Variants in ASAP1 observed in about 807,000 individuals in gnomAD.
ASAP1 encodes the protein arf-GAP with SH3 domain, ANK repeat and PH domain-containing protein 1.
Under a neutral mutation model 145.2 loss-of-function variants are expected in ASAP1, and 43 were observed. The ratio of observed to expected loss-of-function variants is 0.30; its 90% confidence interval spans 0.23 to 0.38. The LOEUF is 0.38. ASAP1 is among the 10% of genes least tolerant of loss of function. The pLI, the probability that ASAP1 is intolerant of heterozygous loss-of-function variation, is 1.00. For missense variants in ASAP1, 1,018 were observed against 1,355.3 expected (o/e 0.75, Z 3.91); for synonymous variants, 546 against 515.5 (o/e 1.06, Z -0.80).
chr8:130,096,434 A>G (rs149132327), intron 24 of ASAP1, among the ~76,000 whole-genome samples: 50 of 152,340 alleles, frequency 3.3e-4, no homozygotes, highest in Middle Eastern at 3.4e-3. Flanking sequence ...AGAGGTGACT[A>G]AGAGGCAATT....
chr8:130,173,531 C>T (rs1380990136), intron 9 of ASAP1, among the ~76,000 whole-genome samples: 1 of 152,072 alleles, frequency 6.6e-6, no homozygotes, highest in African/African-American at 2.4e-5. Context: ...TTTGGGGGGC[C>T]AAGGCAGGAC....
intron 15 of ASAP1, among the ~76,000 whole-genome samples, chr8:130,131,525 G>A (rs1011431510): frequency 6.7e-6 from 1 of 150,032 alleles, no homozygotes; most frequent in Non-Finnish European, 1.5e-5. Flanking sequence ...GCACTTTCTG[G>A]GGTCGAGGTG....
In ASAP1 at chr8:130,241,321, T is replaced by C. The variant is rs529394366; in HGVS notation, c.187-4327A>G. Among the ~76,000 whole-genome samples the C allele has an allele frequency of 6.6e-5, 10 of 152,218 alleles. No homozygotes were observed. In the East Asian group the frequency reaches 1.9e-3, roughly 29 times the overall value. ...GCACGTCATGCCAGTTTTTCCATAG[T>C]GTTACCACATCCTGAAATGATCCTG... On this transcript the variant is annotated intron_variant, in intron 3 of 29. Coordinates refer to ENST00000518721, the MANE Select transcript of ASAP1 (RefSeq NM_018482.4).
intron 7 of ASAP1, among the ~76,000 whole-genome samples, chr8:130,183,612 G>A (rs1045661960): frequency 4.6e-5 from 7 of 152,042 alleles, no homozygotes; most frequent in African/African-American, 1.7e-4. Flanking sequence ...AAAGTGCTGG[G>A]ACCACAGGCA....
chr8:130,342,198 A>C (rs1825429503), intron 3 of ASAP1, among the ~76,000 whole-genome samples: 1 of 152,174 alleles, frequency 6.6e-6, no homozygotes, highest in South Asian at 2.1e-4. Flanking sequence ...AGGATGAAGA[A>C]GGCAAATTGG....
chr8:130,437,611 G>T (rs984413990), intron 1 of ASAP1, among the ~76,000 whole-genome samples: 1 of 150,192 alleles, frequency 6.7e-6, no homozygotes, highest in Non-Finnish European at 1.5e-5. Context: ...AAATTATTTA[G>T]ATAGATAGAC....
intron 16 of ASAP1, 147 bp downstream of exon 16, chr8:130,127,780 A>T: frequency 4.3e-6 from 4 of 924,880 alleles, no homozygotes; most frequent in Non-Finnish European, 6.2e-6. Flanking sequence ...GCTCAGCGGT[A>T]GGAAAAATCA....
At chr8:130,437,798 C>A (rs1204990631) in intron 1 of ASAP1, among the ~76,000 whole-genome samples, 1 of 152,154 alleles carries the variant, frequency 6.6e-6, no homozygotes, top group Non-Finnish European at 1.5e-5. Context: ...ACGGCTGATC[C>A]TCCCCAGCTG....
chr8:130,188,404 C>G (rs778194264), intron 5 of ASAP1, among the ~76,000 whole-genome samples: 1 of 152,038 alleles, frequency 6.6e-6, no homozygotes, highest in Non-Finnish European at 1.5e-5. Context: ...TTGTGCAGAA[C>G]CATAAAGCAT....
Position 130,152,754 on chromosome 8 carries a change from C to T in ASAP1, c.1062G>A (p.Leu354=), listed in dbSNP as rs74370122. The change falls in exon 13 of 30, where the codon CTG becomes CTA. Residue 354 remains leucine, a synonymous_variant. Coordinates refer to ENST00000518721, the MANE Select transcript of ASAP1 (RefSeq NM_018482.4). ...RRKCSVKNGI[L]TISHATSNRQ... is the part of the protein sequence containing the mutation. The stretch of plus-strand genomic sequence containing the variant: ...TACTTACTGTGGCATGTGAGATGGT[C>T]AGAATCCCATTCTTGACTGAACACT... 60,102 of 1,610,888 alleles carry T rather than the reference C, an allele frequency of 0.037. 1,356 individuals are homozygous for T. The highest frequency in any genetic ancestry group is 0.064 in the South Asian group (5,805 of 90,666).
At chr8:130,059,640 A>G (rs1048239220) in intron 28 of ASAP1, among the ~76,000 whole-genome samples, 7 of 152,252 alleles carry the variant, frequency 4.6e-5, no homozygotes, top group Admixed American at 4.6e-4. Flanking sequence ...GCCATGTGCA[A>G]TGGGAGAACT....
chr8:130,121,747 G>A (rs2135688084), intron 18 of ASAP1, among the ~76,000 whole-genome samples: 1 of 117,908 alleles, frequency 8.5e-6, no homozygotes, highest in South Asian at 2.9e-4. Context: ...TCGCATCACT[G>A]CACTCCAGCC....
intron 5 of ASAP1, among the ~76,000 whole-genome samples, chr8:130,191,617 T>G (rs1322035724): frequency 6.6e-6 from 1 of 151,760 alleles, no homozygotes; most frequent in African/African-American, 2.4e-5. Context: ...AGGGAGAGAG[T>G]GGTGTGAGAA....
intron 1 of ASAP1, among the ~76,000 whole-genome samples, chr8:130,439,363 A>G (rs1261791469): frequency 6.6e-6 from 1 of 152,192 alleles, no homozygotes; most frequent in African/African-American, 2.4e-5. Flanking sequence ...AACTTGTATG[A>G]TGTAAACCAC....
intron 13 of ASAP1, among the ~76,000 whole-genome samples, chr8:130,143,475 C>T (rs2097618121): frequency 1.3e-5 from 2 of 150,298 alleles, no homozygotes; most frequent in Admixed American, 1.3e-4. Flanking sequence ...CTGTTTTTCC[C>T]AATTAACAAT....
At chr8:130,326,858 A>G (rs542696371) in intron 3 of ASAP1, among the ~76,000 whole-genome samples, 10 of 152,296 alleles carry the variant, frequency 6.6e-5, no homozygotes, top group South Asian at 4.1e-4. Flanking sequence ...TTCAGAGACA[A>G]TCAGTGGCCT....
At chr8:130,249,364 C>A (rs1432703307) in intron 3 of ASAP1, among the ~76,000 whole-genome samples, 1 of 152,138 alleles carries the variant, frequency 6.6e-6, no homozygotes, top group East Asian at 1.9e-4. Flanking sequence ...ACTTTATATT[C>A]CTGGTTCTCC....
At chr8:130,245,466 C>A (rs1366654215) in intron 3 of ASAP1, among the ~76,000 whole-genome samples, 1 of 152,124 alleles carries the variant, frequency 6.6e-6, no homozygotes, top group East Asian at 1.9e-4. Context: ...TGACAAGTTA[C>A]TTCACAGTTC....
intron 4 of ASAP1, among the ~76,000 whole-genome samples, chr8:130,216,766 C>A (rs915366537): frequency 1.3e-5 from 2 of 152,196 alleles, no homozygotes; most frequent in African/African-American, 4.8e-5. Flanking sequence ...ATTCAACTAC[C>A]TATTCAGTAT....
Sources: allele counts gnomAD v4.1 joint callset (sites outside exome capture counted in the v4.1 genomes callset), GRCh38; gene constraint gnomAD v4.1.1; transcripts MANE v1.5; gene names NCBI Gene and HGNC (gene_info 2026-07-23, HGNC 2026-07-21).